Variants in BPIFA1 observed in about 807,000 individuals in gnomAD.
The protein encoded by BPIFA1 is BPI fold containing family A member 1, also known as BPI fold-containing family A member 1.
BPIFA1 carries 24 observed loss-of-function variants against 25.1 expected under a neutral mutation model. That is an observed-to-expected ratio of 0.96 (90% CI 0.69 to 1.35). The LOEUF is 1.35. Among genes scored for constraint, BPIFA1 ranks in the 40% most tolerant of loss-of-function variants. BPIFA1 has a pLI of 0.00. For synonymous variants in BPIFA1, 139 were observed against 131.8 expected, an observed-to-expected ratio of 1.05 and a Z score of -0.37; for missense variants, 344 against 303.7, an observed-to-expected ratio of 1.13 and a Z score of -0.99.
At chr20:33,241,495 T>A in intron 6 of BPIFA1, 26 bp downstream of exon 6, 1 of 1,580,022 alleles carries the variant, frequency 6.3e-7, no homozygotes, top group Non-Finnish European at 8.7e-7. Context: ...GGGGATCCCC[T>A]GATCCTCAGG....
chr20:33,238,832 G>A (rs563005237), intron 3 of BPIFA1, among the ~76,000 whole-genome samples: 2 of 152,322 alleles, frequency 1.3e-5, no homozygotes, highest in South Asian at 4.1e-4. Flanking sequence ...GGCAGAGCCT[G>A]GTTCCTGGAT....
intron 1 of BPIFA1, among the ~76,000 whole-genome samples, chr20:33,237,347 C>A (rs1408202521): frequency 1.3e-5 from 2 of 152,082 alleles, no homozygotes; most frequent in African/African-American, 4.8e-5. Flanking sequence ...GAACTGTGGG[C>A]AAGATGGAGT....
At chr20:33,237,898 ATGTGTGTGTGTGTGTGTGTGTGTG>A (rs11468029) in intron 2 of BPIFA1, 27 bp downstream of exon 2, 20,670 of 1,188,454 alleles carry the variant, frequency 0.017, 90 homozygotes, top group Middle Eastern at 0.031. Flanking sequence ...GTATGTGTGC[ATGTGTGTGTGTGTGTGTGTGTGTG>A]TGTGTGTGTG....
At position 33,237,831 on chromosome 20, in the gene BPIFA1, G is replaced by A. The variant is rs1270204111; in HGVS notation, c.120G>A (p.Leu40=). ...QTLPLNVNPA[L]PLSPTGLAGS... ...TGCCCTTGAATGTGAATCCAGCCCTGCCCTTGAGTCCCACAGGTCTTGCAG... is the reference window on the plus strand; with the variant it reads ...TGCCCTTGAATGTGAATCCAGCCCTACCCTTGAGTCCCACAGGTCTTGCAG... The change falls in exon 2 of 9, where the codon CTG becomes CTA. Residue 40 remains leucine, a synonymous_variant. Transcript: ENST00000354297. The A allele has an allele frequency of 2.5e-6, 4 of 1,597,332 alleles. No individual in the cohort carries two copies. The highest frequency in any genetic ancestry group is 2.7e-5 in the African/African-American group (2 of 74,224).
intron 4 of BPIFA1, 28 bp downstream of exon 4, chr20:33,239,938 G>C (rs373565061): frequency 6.7e-5 from 106 of 1,589,208 alleles, no homozygotes; most frequent in Non-Finnish European, 8.2e-5. Context: ...GGGGGTGAGA[G>C]GATGGCTCAC....
chr20:33,242,641 C>A lies in BPIFA1; in HGVS notation c.*34+80C>A, dbSNP rs116184514. The A allele has an allele frequency of 2.2e-3, 2,176 of 1,000,428 alleles. 26 individuals carry two copies. In the African/African-American group the frequency reaches 0.028, roughly 13 times the overall value. 62.0% of individuals were successfully genotyped at this position (1,000,428 alleles called of 1,614,324 possible). ...GTAGAAGGCAGACGGGAGCTTGGGACAATGACATCCAAAGAAAGAGACAAA... is the reference window on the plus strand; with the variant it reads ...GTAGAAGGCAGACGGGAGCTTGGGAAAATGACATCCAAAGAAAGAGACAAA... On this transcript the variant is annotated intron_variant, in intron 8 of 8. Coordinates refer to ENST00000354297, the MANE Select transcript of BPIFA1 (RefSeq NM_130852.3).
At position 33,242,090 on chromosome 20, in the gene BPIFA1, T is replaced by C; in HGVS notation, c.701T>C (p.Leu234Ser). The change falls in exon 7 of 9, where the codon TTG becomes TCG. Residue 234 changes from leucine (L) to serine (S), a missense_variant. Coordinates refer to ENST00000354297, the MANE Select transcript of BPIFA1 (RefSeq NM_130852.3). ...CTGGTCAATGAGGTTCTCAGAGGCT[T>C]GGACATCACCCTGGTGCATGACATT... ...CPLVNEVLRG[L>S]DITLVHDIVN... 1 of 1,614,198 alleles carries C rather than the reference T, an allele frequency of 6.2e-7. No homozygotes were observed. The highest frequency in any genetic ancestry group is 8.5e-7 in the Non-Finnish European group (1 of 1,180,026).
Position 33,237,801 on chromosome 20 carries a change from G to T in BPIFA1, c.90G>T (p.Gln30His). Residue 30 changes from glutamine (Q) to histidine (H), a missense_variant, in exon 2 of 9, where the codon CAG (glutamine) becomes CAT (histidine). Physicochemically the swap from Gln to His is conservative, Grantham distance 24. Coordinates refer to ENST00000354297, the MANE Select transcript of BPIFA1 (RefSeq NM_130852.3). The part of the protein sequence containing the change: ...QFGGLPVPLD[Q>H]TLPLNVNPAL... Reference sequence around the variant, plus strand: ...GAGGCCTGCCCGTGCCCCTGGACCAGACCCTGCCCTTGAATGTGAATCCAG... The same window carrying T: ...GAGGCCTGCCCGTGCCCCTGGACCATACCCTGCCCTTGAATGTGAATCCAG... 1 of 1,603,626 alleles carries T rather than the reference G, an allele frequency of 6.2e-7. No homozygotes were observed. The highest frequency in any genetic ancestry group is 8.5e-7 in the Non-Finnish European group (1 of 1,174,716).
chr20:33,242,668 A>G (rs1979039885), intron 8 of BPIFA1, 107 bp downstream of exon 8: 5 of 813,250 alleles, frequency 6.1e-6, no homozygotes, highest in South Asian at 4.6e-5. Flanking sequence ...AGAGACAAAC[A>G]TCTACAGAGG....
At chr20:33,240,002 C>T in intron 4 of BPIFA1, 92 bp downstream of exon 4, 1 of 1,416,470 alleles carries the variant, frequency 7.1e-7, no homozygotes. Flanking sequence ...TGGAGTCTAA[C>T]AGACCTGAGC....
In BPIFA1 at chr20:33,242,040, C is replaced by A; in HGVS notation, c.667-16C>A. 6.2e-7 allele frequency: 1 copy of A among 1,613,366 alleles called. No individual in the cohort carries two copies. The highest frequency in any genetic ancestry group is 8.5e-7 in the Non-Finnish European group (1 of 1,179,294). On this transcript the variant is annotated splice_polypyrimidine_tract_variant and intron_variant, in intron 6 of 8. Coordinates refer to ENST00000354297, the MANE Select transcript of BPIFA1 (RefSeq NM_130852.3). ...GGGTGCCACTCTGCCTAACTCTCCTCTCTGCCCCTGGCCAGGTGTGCCCTC... is the reference window on the plus strand; with the variant it reads ...GGGTGCCACTCTGCCTAACTCTCCTATCTGCCCCTGGCCAGGTGTGCCCTC...
Position 33,239,933 on chromosome 20 carries a change from T to A in BPIFA1, c.428+23T>A, listed in dbSNP as rs577746952. 4 of 1,599,532 alleles carry A rather than the reference T, an allele frequency of 2.5e-6. No homozygotes were observed. The Admixed American group carries it at 6.7e-5, about 27-fold the overall frequency. ...TACGTGAGTGGGTCCCAAGAGGGGGTGAGAGGATGGCTCACCGAGGGAGAC... is the reference window on the plus strand; with the variant it reads ...TACGTGAGTGGGTCCCAAGAGGGGGAGAGAGGATGGCTCACCGAGGGAGAC... On this transcript the variant is annotated intron_variant, in intron 4 of 8. Coordinates refer to ENST00000354297, the MANE Select transcript of BPIFA1 (RefSeq NM_130852.3).
intron 8 of BPIFA1, 124 bp downstream of exon 8, chr20:33,242,685 C>A: frequency 2.9e-6 from 2 of 687,260 alleles, no homozygotes; most frequent in East Asian, 2.7e-5. Flanking sequence ...GAGGTACACA[C>A]AGGGATGCAC....
At chr20:33,242,663 C>A (rs1979039750) in intron 8 of BPIFA1, 102 bp downstream of exon 8, 3 of 830,962 alleles carry the variant, frequency 3.6e-6, no homozygotes, top group African/African-American at 3.4e-5. Flanking sequence ...AAGAAAGAGA[C>A]AAACATCTAC....
At chr20:33,237,098 T>C (rs1352565812) in intron 1 of BPIFA1, among the ~76,000 whole-genome samples, 6 of 152,190 alleles carry the variant, frequency 3.9e-5, no homozygotes, top group African/African-American at 1.4e-4. Flanking sequence ...ATTCAAACCA[T>C]TGAAGCAAGC....
At position 33,241,369 on chromosome 20, in the gene BPIFA1, G is replaced by A; in HGVS notation, c.582-16G>A. ...ATCTCCAGGTCCCTGCATCACCCAT[G>A]ACTTTTCTCTTTCAGACTTGGCCCC... is the stretch of plus-strand genomic sequence containing the variant. On this transcript the variant is annotated splice_polypyrimidine_tract_variant and intron_variant, in intron 5 of 8. Coordinates refer to ENST00000354297, the MANE Select transcript of BPIFA1 (RefSeq NM_130852.3). 6.2e-7 allele frequency: 1 copy of A among 1,604,922 alleles called. No homozygotes were observed. Among genetic ancestry groups the A allele is most frequent in the Non-Finnish European group, 8.5e-7 (1 of 1,171,636 alleles).
intron 7 of BPIFA1, 115 bp downstream of exon 7, chr20:33,242,234 T>C (rs1979014253): frequency 2.6e-6 from 3 of 1,141,944 alleles, no homozygotes; most frequent in African/African-American, 3.1e-5. Flanking sequence ...CAACTCTCTC[T>C]ATTTTGGGCT....
At chr20:33,238,558 T>G (rs557041097) in intron 3 of BPIFA1, among the ~76,000 whole-genome samples, 1 of 152,264 alleles carries the variant, frequency 6.6e-6, no homozygotes, top group Admixed American at 6.5e-5. Context: ...GCCAAGTGAG[T>G]AAGGCTCTCA....
intron 1 of BPIFA1, 45 bp from the exon 2 acceptor site, chr20:33,237,652 C>T: frequency 7.4e-7 from 1 of 1,354,262 alleles, no homozygotes; most frequent in Non-Finnish European, 9.6e-7. Flanking sequence ...GGATAAATTC[C>T]TCTCTGATAC....
Sources: allele counts gnomAD v4.1 joint callset (sites outside exome capture counted in the v4.1 genomes callset), GRCh38; gene constraint gnomAD v4.1.1; transcripts MANE v1.5; gene names NCBI Gene and HGNC (gene_info 2026-07-23, HGNC 2026-07-21).